Variants in FAHD2B observed in about 807,000 individuals in gnomAD.
The protein encoded by FAHD2B is fumarylacetoacetate hydrolase domain containing 2B.
In FAHD2B, 26 loss-of-function variants were observed where a neutral mutation model predicts 33.7. The ratio of observed to expected loss-of-function variants is 0.77; its 90% CI spans 0.57 to 1.07. FAHD2B has a LOEUF of 1.07. Among genes scored for constraint, FAHD2B ranks in the 50% least tolerant of loss-of-function variants. The pLI is 0.00. For missense variants in FAHD2B, 272 were observed against 388.1 expected (o/e 0.70, Z 2.51); for synonymous variants, 108 against 150.9 (o/e 0.72, Z 2.08).
At chr2:97,093,265 C>T (rs2032460344) in intron 1 of FAHD2B, among the ~76,000 whole-genome samples, 1 of 151,996 alleles carries the variant, frequency 6.6e-6, no homozygotes, top group African/African-American at 2.4e-5. Flanking sequence ...CTTAGGTCAC[C>T]ACTGTTGTGG....
chr2:97,079,429 C>T (rs2031575064), downstream of FAHD2B, among the ~76,000 whole-genome samples: 1 of 152,056 alleles, frequency 6.6e-6, no homozygotes, highest in Non-Finnish European at 1.5e-5. Context: ...ACCTTGCCAG[C>T]ACCTGTTATT....
At chr2:97,086,042 T>G in intron 5 of FAHD2B, 97 bp downstream of exon 5, 1 of 1,362,114 alleles carries the variant, frequency 7.3e-7, no homozygotes, top group Non-Finnish European at 1.0e-6. Context: ...CAGGGACAGC[T>G]GGTGCCGTGT....
At position 97,088,213 on chromosome 2, in the gene FAHD2B, T is replaced by A. The variant is rs2032113944; in HGVS notation, c.462+1896A>T. ...TTCACACTATAACAGCAGAGTTGAA[T>A]TGTTGCAAAACAGACCATATGACAC... On this transcript the variant is annotated intron_variant, in intron 4 of 8. Transcript: ENST00000414820. Among the ~76,000 whole-genome samples the A allele has an allele frequency of 2.0e-5, 3 of 152,128 alleles. 1 individual carries two copies. The South Asian group carries it at 6.3e-4, about 32-fold the overall frequency.
chr2:97,090,447 C>G, intron 3 of FAHD2B, 122 bp from the exon 4 acceptor site: 1 of 1,462,720 alleles, frequency 6.8e-7, no homozygotes, highest in Admixed American at 2.6e-5. Context: ...CTAGCTCTAT[C>G]AACCATCAGA....
downstream of FAHD2B, chr2:97,081,488 C>G: frequency 6.3e-7 from 1 of 1,581,488 alleles, no homozygotes; most frequent in South Asian, 1.2e-5. Context: ...ACAGGCTCAT[C>G]CAATGCGGGC....
At chr2:97,081,452 C>G (rs2031641199), downstream of FAHD2B, 3 of 1,573,676 alleles carry the variant, frequency 1.9e-6, no homozygotes, top group South Asian at 3.5e-5. Flanking sequence ...GCCAGTCTTC[C>G]TACTGCTACT....
intron 4 of FAHD2B, among the ~76,000 whole-genome samples, chr2:97,088,716 G>A (rs1202723553): frequency 2.6e-5 from 4 of 152,002 alleles, no homozygotes; most frequent in Non-Finnish European, 5.9e-5. Context: ...TGTGCCCTTG[G>A]TTGATCACAG....
chr2:97,080,965 A>T (rs2031620967), downstream of FAHD2B: 1 of 709,796 alleles, frequency 1.4e-6, no homozygotes, highest in Non-Finnish European at 2.0e-6. Context: ...GAAGTTGCTT[A>T]TCAGCTTAAG....
At chr2:97,082,008 C>A, downstream of FAHD2B, 1 of 1,547,296 alleles carries the variant, frequency 6.5e-7, no homozygotes, top group Non-Finnish European at 8.8e-7. Context: ...CAGCCTGTGA[C>A]ACAGGGCAAC....
At chr2:97,088,659 C>G in intron 4 of FAHD2B, among the ~76,000 whole-genome samples, 1 of 91,270 alleles carries the variant, frequency 1.1e-5, no homozygotes, top group East Asian at 2.1e-4. Context: ...GTCTATGGAA[C>G]CCTGTTCTAG....
chr2:97,082,814 G>A, downstream of FAHD2B: 2 of 1,227,868 alleles, frequency 1.6e-6, no homozygotes, highest in Non-Finnish European at 2.4e-6. Flanking sequence ...CCAATAGAGT[G>A]GCTCAGGGAA....
At chr2:97,080,978 G>A (rs1302346048), downstream of FAHD2B, 35 of 871,422 alleles carry the variant, frequency 4.0e-5, no homozygotes, top group East Asian at 4.4e-4. Flanking sequence ...AGCTTAAGAA[G>A]CTTTGGGGGC....
chr2:97,083,876 G>A, intron 8 of FAHD2B, 59 bp from the exon 9 acceptor site: 3 of 1,614,074 alleles, frequency 1.9e-6, no homozygotes, highest in South Asian at 1.1e-5. Flanking sequence ...ACACAAGCCT[G>A]TACTTCTCAA....
At chr2:97,079,608 T>G (rs2031579111), downstream of FAHD2B, among the ~76,000 whole-genome samples, 1 of 152,064 alleles carries the variant, frequency 6.6e-6, no homozygotes, top group Admixed American at 6.6e-5. Context: ...TTTGCCCACT[T>G]TTTAGTGGGG....
chr2:97,091,784 G>A, intron 2 of FAHD2B, 72 bp from the exon 3 acceptor site: 2 of 1,549,038 alleles, frequency 1.3e-6, no homozygotes, highest in Non-Finnish European at 1.7e-6. Flanking sequence ...GATATTCCTA[G>A]GGCTATAGCC....
chr2:97,084,129 C>A, intron 7 of FAHD2B, 40 bp downstream of exon 7: 3 of 1,613,222 alleles, frequency 1.9e-6, no homozygotes, highest in Non-Finnish European at 2.5e-6. Flanking sequence ...ACATGTGTGG[C>A]AGGTGGAGCG....
At chr2:97,084,135 G>A in intron 7 of FAHD2B, 34 bp downstream of exon 7, 1 of 1,613,314 alleles carries the variant, frequency 6.2e-7, no homozygotes. Context: ...GTGGCAGGTG[G>A]AGCGGGGCTG....
At chr2:97,087,424 G>A (rs1402207910) in intron 4 of FAHD2B, among the ~76,000 whole-genome samples, 1 of 152,076 alleles carries the variant, frequency 6.6e-6, no homozygotes, top group African/African-American at 2.4e-5. Flanking sequence ...TTGGCCGGGT[G>A]CAGTGGCTCA....
At chr2:97,083,868 A>C in intron 8 of FAHD2B, 51 bp from the exon 9 acceptor site, 1 of 1,613,998 alleles carries the variant, frequency 6.2e-7, no homozygotes, top group Non-Finnish European at 8.5e-7. Flanking sequence ...AGACACATAC[A>C]CAAGCCTGTA....
Sources: gnomAD v4.1 joint callset for allele counts (sites outside exome capture counted in the v4.1 genomes callset) on GRCh38, gnomAD v4.1.1 for gene constraint, MANE v1.5 for transcripts, NCBI Gene and HGNC (gene_info 2026-07-23, HGNC 2026-07-21) for gene names.